ZEB2: variants seen among roughly 807,000 people sequenced by gnomAD.
The protein encoded by ZEB2 is zinc finger E-box-binding homeobox 2.
Under a neutral mutation model 99.9 loss-of-function variants are expected in ZEB2, and 6 were observed. The observed-to-expected ratio is 0.06, with a 90% CI of 0.03 to 0.12. ZEB2 has a LOEUF of 0.12. ZEB2 is among the 10% of genes least tolerant of loss of function. The probability of loss-of-function intolerance (pLI) is 1.00; values close to 1 mark genes in which losing one functional copy is unlikely to be tolerated. For missense variants in ZEB2, 969 were observed against 1,502.8 expected, an observed-to-expected ratio of 0.64 and a Z score of 5.87; for synonymous variants, 517 against 542.5, an observed-to-expected ratio of 0.95 and a Z score of 0.65.
chr2:144,434,907 T>C (rs906287626), intron 2 of ZEB2, among the ~76,000 whole-genome samples: 1 of 152,232 alleles, frequency 6.6e-6, no homozygotes, highest in East Asian at 1.9e-4. Context: ...CCAAGGAAGC[T>C]TGGTAGAAAT....
chr2:144,490,897 A>G (rs1490827638), intron 2 of ZEB2, among the ~76,000 whole-genome samples: 5 of 152,242 alleles, frequency 3.3e-5, no homozygotes, highest in Non-Finnish European at 7.3e-5. Flanking sequence ...AAGGAATTTT[A>G]GTATTCGGAA....
chr2:144,478,374 C>A lies in ZEB2; in HGVS notation c.73+38904G>T, dbSNP rs142138481. On this transcript the variant is annotated intron_variant, in intron 2 of 9. Transcript: ENST00000627532. Reference sequence around the variant, plus strand: ...AAGTTTGATGAGTGAAAGCTGAGCACTTCGTACCCACTGTGAAATGTCTCT... The same window carrying A: ...AAGTTTGATGAGTGAAAGCTGAGCAATTCGTACCCACTGTGAAATGTCTCT... 2.0e-4 allele frequency among the ~76,000 whole-genome samples: 30 copies of A among 152,338 alleles called. 1 individual carries two copies. Among genetic ancestry groups the A allele is most frequent in the Non-Finnish European group, 3.5e-4 (24 of 68,032 alleles).
At chr2:144,459,262 T>C (rs1170857437) in intron 2 of ZEB2, among the ~76,000 whole-genome samples, 4 of 152,176 alleles carry the variant, frequency 2.6e-5, no homozygotes, top group Non-Finnish European at 5.9e-5. Context: ...TCTTTTGATA[T>C]ACAACTAAGG....
intron 6 of ZEB2, among the ~76,000 whole-genome samples, chr2:144,401,622 G>A (rs1157880755): frequency 1.3e-5 from 2 of 152,018 alleles, no homozygotes; most frequent in African/African-American, 2.4e-5. Flanking sequence ...GTTGTTTTTC[G>A]TGTTTACCAC....
At chr2:144,512,650 T>C (rs1360650555) in intron 2 of ZEB2, 7 of 1,287,112 alleles carry the variant, frequency 5.4e-6, no homozygotes. Context: ...AGCCCACCCT[T>C]AGTCCTGGTG....
At chr2:144,496,591 C>T (rs1293673042) in intron 2 of ZEB2, 2 of 152,106 alleles carry the variant, frequency 1.3e-5, no homozygotes, top group Non-Finnish European at 2.9e-5. Context: ...ATCATTATTG[C>T]CTGTGTTGCT....
In ZEB2 at chr2:144,399,254, T is replaced by C. The variant is rs746922285; in HGVS notation, c.1933A>G (p.Met645Val). Residue 645 changes from methionine (M) to valine (V), a missense_variant, in exon 8 of 10, where the codon ATG becomes GTG. This residue lies in a region of ZEB2 where 346 missense variants were observed against 460.0 expected (regional missense o/e 0.75). Transcript: ENST00000627532. This position sits in a 1 kb window ranked among gnomAD's most constrained non-coding sequence, Gnocchi z 5.6. Reference sequence around the variant, plus strand: ...TTGTATGGGTTGATGGGGCTTGTCATTCCTTTCTCAGAAAGTACAGATGAC... The same window carrying C: ...TTGTATGGGTTGATGGGGCTTGTCACTCCTTTCTCAGAAAGTACAGATGAC... ...LLSSVLSEKG[M>V]TSPINPYKDH... The C allele has an allele frequency of 3.7e-6, 6 of 1,614,170 alleles. No individual in the cohort carries two copies. Among genetic ancestry groups the C allele is most frequent in the Non-Finnish European group, 4.2e-6 (5 of 1,180,026 alleles).
chr2:144,486,639 T>C (rs1391627343), intron 2 of ZEB2, among the ~76,000 whole-genome samples: 3 of 152,150 alleles, frequency 2.0e-5, no homozygotes, highest in African/African-American at 7.2e-5. Flanking sequence ...ATTCTTTGCA[T>C]GTTGAAATGT....
intron 2 of ZEB2, among the ~76,000 whole-genome samples, chr2:144,452,661 G>C (rs1477221573): frequency 6.6e-6 from 1 of 152,126 alleles, no homozygotes; most frequent in Admixed American, 6.5e-5. Context: ...AGTCCGACAA[G>C]CCTGCAGTTC....
chr2:144,476,552 A>C (rs1704432665), intron 2 of ZEB2, among the ~76,000 whole-genome samples: 1 of 152,228 alleles, frequency 6.6e-6, no homozygotes, highest in African/African-American at 2.4e-5. Flanking sequence ...TGCACTCTTC[A>C]AAGGGACTAG....
At chr2:144,517,551 G>T (rs1419066992) in intron 1 of ZEB2, 132 bp from the exon 2 acceptor site, 15 of 676,070 alleles carry the variant, frequency 2.2e-5, no homozygotes, top group Non-Finnish European at 3.4e-5. Context: ...GCGAAACTTC[G>T]GCGGCCCCCT....
intron 2 of ZEB2, among the ~76,000 whole-genome samples, chr2:144,452,055 CTG>C (rs1401018314): frequency 6.6e-6 from 1 of 152,148 alleles, no homozygotes; most frequent in Non-Finnish European, 1.5e-5. Context: ...TTTGACATAT[CTG>C]GGGTCCACGG....
intron 2 of ZEB2, among the ~76,000 whole-genome samples, chr2:144,506,888 A>G (rs930827801): frequency 6.6e-6 from 1 of 152,220 alleles, no homozygotes; most frequent in African/African-American, 2.4e-5. Context: ...TCTATGGGCA[A>G]CGTAACTATT....
At chr2:144,483,960 T>G (rs552527448) in intron 2 of ZEB2, among the ~76,000 whole-genome samples, 3 of 152,316 alleles carry the variant, frequency 2.0e-5, no homozygotes, top group Non-Finnish European at 2.9e-5. Context: ...ATATTTCTTA[T>G]GGTCAAGCAA....
intron 2 of ZEB2, among the ~76,000 whole-genome samples, chr2:144,509,617 ATG>A (rs562680838): frequency 6.6e-5 from 10 of 151,394 alleles, no homozygotes; most frequent in African/African-American, 1.9e-4. Context: ...GTGTGTGTGA[ATG>A]TGTGTGTGTG....
chr2:144,517,629 C>T (rs1205265082), intron 1 of ZEB2: 2 of 681,752 alleles, frequency 2.9e-6, no homozygotes, highest in South Asian at 3.0e-5. Context: ...TGTGTTGCAC[C>T]CGCGAGGGGA....
At chr2:144,491,440 TAA>T in intron 2 of ZEB2, among the ~76,000 whole-genome samples, 1 of 152,334 alleles carries the variant, frequency 6.6e-6, no homozygotes, top group African/African-American at 2.4e-5. Context: ...CATGTTTTTA[TAA>T]GTTTCAGATT....
At chr2:144,515,683 A>C (rs1705121592) in intron 2 of ZEB2, among the ~76,000 whole-genome samples, 1 of 151,922 alleles carries the variant, frequency 6.6e-6, no homozygotes, top group African/African-American at 2.4e-5. Flanking sequence ...GGATAACGTA[A>C]CGAACAGTTT....
At chr2:144,405,049 T>C in intron 4 of ZEB2, 25 bp from the exon 5 acceptor site, 1 of 1,609,464 alleles carries the variant, frequency 6.2e-7, no homozygotes, top group Non-Finnish European at 8.5e-7. Flanking sequence ...GGAGAAGAAA[T>C]GTTGTTTCCG....
Sources: gnomAD v4.1 joint callset for allele counts (sites outside exome capture counted in the v4.1 genomes callset) on GRCh38, gnomAD v4.1.1 for gene constraint, gnomAD v4.1.1 regional missense constraint, Gnocchi (gnomAD v3.1) non-coding constraint, MANE v1.5 for transcripts, NCBI Gene and HGNC (gene_info 2026-07-23, HGNC 2026-07-21) for gene names.